Variants in PDE1A observed in about 807,000 individuals in gnomAD.
PDE1A encodes dual specificity calcium/calmodulin-dependent 3',5'-cyclic nucleotide phosphodiesterase 1A.
PDE1A carries 35 observed loss-of-function variants against 61.7 expected under a neutral mutation model. The ratio of observed to expected loss-of-function variants is 0.57; its 90% CI spans 0.43 to 0.75. The LOEUF (loss-of-function observed/expected upper bound fraction) is 0.75, where lower values mean the gene tolerates loss of function less well. Among genes scored for constraint, PDE1A ranks in the 30% least tolerant of loss-of-function variants. The probability of loss-of-function intolerance (pLI) is 0.00; values close to 1 mark genes in which losing one functional copy is unlikely to be tolerated. For missense variants in PDE1A, 597 were observed against 630.6 expected, an observed-to-expected ratio of 0.95 and a Z score of 0.57; for synonymous variants, 232 against 213.2, an observed-to-expected ratio of 1.09 and a Z score of -0.77.
chr2:182,208,766 A>G (rs1048156924), intron 7 of PDE1A, among the ~76,000 whole-genome samples: 10 of 152,334 alleles, frequency 6.6e-5, no homozygotes, highest in South Asian at 6.2e-4. Context: ...GGGGTCTTTA[A>G]GATTAAATAA....
chr2:182,440,213 C>T (rs1349851966), intron 2 of PDE1A, among the ~76,000 whole-genome samples: 3 of 152,002 alleles, frequency 2.0e-5, no homozygotes, highest in East Asian at 1.9e-4. Flanking sequence ...TCTAGGGTCA[C>T]TAGTCTACAT....
intron 2 of PDE1A, among the ~76,000 whole-genome samples, chr2:182,485,130 A>G (rs2099184): frequency 0.27 from 40,498 of 151,942 alleles, 5,610 homozygotes; most frequent in Middle Eastern, 0.42. Flanking sequence ...GCCTATCAGT[A>G]ACAGATTGGA....
At chr2:182,489,917 G>A (rs13400207) in intron 2 of PDE1A, among the ~76,000 whole-genome samples, 62,411 of 151,970 alleles carry the variant, frequency 0.41, 13,309 homozygotes, top group African/African-American at 0.51. Context: ...GTTATCACAC[G>A]GGGCAGTAGC....
chr2:182,673,989 CATAT>C, the PDE1A span, among the ~76,000 whole-genome samples: 860 of 135,190 alleles, frequency 6.4e-3, 2 homozygotes, highest in Non-Finnish European at 7.9e-3. Flanking sequence ...AATATAACTT[CATAT>C]ATATATATAT....
chr2:182,463,715 T>A (rs1686462756), intron 2 of PDE1A: 1 of 152,208 alleles, frequency 6.6e-6, no homozygotes, highest in Non-Finnish European at 1.5e-5. Context: ...GTTTTGTTAA[T>A]ATTGATTAAC....
the PDE1A span, among the ~76,000 whole-genome samples, chr2:182,551,923 A>G: frequency 6.6e-6 from 1 of 152,134 alleles, no homozygotes; most frequent in Non-Finnish European, 1.5e-5. Context: ...GTTTATGCCA[A>G]ACACAGTGTC....
At chr2:182,606,977 C>A in the PDE1A span, among the ~76,000 whole-genome samples, 5 of 152,018 alleles carry the variant, frequency 3.3e-5, no homozygotes, top group Non-Finnish European at 5.9e-5. Flanking sequence ...AGATGGGAGA[C>A]CAGTCTCAAA....
chr2:182,159,751 T>C (rs1691278065), intron 13 of PDE1A, among the ~76,000 whole-genome samples: 1 of 152,090 alleles, frequency 6.6e-6, no homozygotes, highest in Non-Finnish European at 1.5e-5. Flanking sequence ...GTCCAGGAGT[T>C]CAAGACCAGC....
intron 6 of PDE1A, among the ~76,000 whole-genome samples, 198 bp from the exon 7 acceptor site, chr2:182,224,162 A>G (rs763680530): frequency 1.3e-5 from 2 of 151,948 alleles, no homozygotes; most frequent in East Asian, 1.9e-4. Context: ...TTCATGGCAT[A>G]TAAGTTCAAA....
chr2:182,546,112 G>A, the PDE1A span, among the ~76,000 whole-genome samples: 1 of 152,148 alleles, frequency 6.6e-6, no homozygotes, highest in Non-Finnish European at 1.5e-5. Flanking sequence ...GTCTCCCCTT[G>A]TTACTGAAGC....
At chr2:182,698,799 A>G in the PDE1A span, among the ~76,000 whole-genome samples, 1 of 152,224 alleles carries the variant, frequency 6.6e-6, no homozygotes, top group East Asian at 1.9e-4. Context: ...AACATAGTCT[A>G]TCACCAAGGC....
chr2:182,634,455 C>T, the PDE1A span, among the ~76,000 whole-genome samples: 1 of 152,116 alleles, frequency 6.6e-6, no homozygotes, highest in Non-Finnish European at 1.5e-5. Context: ...ACTCCAGGAA[C>T]AAGGCAGACT....
intron 1 of PDE1A, among the ~76,000 whole-genome samples, chr2:182,286,296 C>T (rs1218023795): frequency 6.6e-6 from 1 of 152,110 alleles, no homozygotes; most frequent in East Asian, 1.9e-4. Context: ...CTTAGGGGTC[C>T]TCCCTACCTT....
chr2:182,643,036 A>G, the PDE1A span, among the ~76,000 whole-genome samples: 5,770 of 152,258 alleles, frequency 0.038, 149 homozygotes, highest in Middle Eastern at 0.061. Context: ...TATCTCAGCC[A>G]CATCCTCCTC....
At chr2:182,207,617 C>A (rs534803312) in intron 7 of PDE1A, among the ~76,000 whole-genome samples, 2 of 152,286 alleles carry the variant, frequency 1.3e-5, no homozygotes, top group Non-Finnish European at 2.9e-5. Flanking sequence ...AAAAGAAAAA[C>A]CCATTTTCTG....
chr2:182,167,405 G>T (rs946589685), downstream of PDE1A, among the ~76,000 whole-genome samples: 1 of 152,106 alleles, frequency 6.6e-6, no homozygotes, highest in Non-Finnish European at 1.5e-5. Context: ...TTCTTTAAAA[G>T]AAAGAGCCAA....
intron 2 of PDE1A, among the ~76,000 whole-genome samples, chr2:182,519,768 T>C (rs1249053290): frequency 6.6e-6 from 1 of 151,922 alleles, no homozygotes; most frequent in African/African-American, 2.4e-5. Context: ...TATCTACCTG[T>C]AATGGTTCAT....
chr2:182,560,996 T>C, the PDE1A span, among the ~76,000 whole-genome samples: 2 of 149,674 alleles, frequency 1.3e-5, no homozygotes, highest in Non-Finnish European at 3.0e-5. Context: ...TTTTCTCCCA[T>C]TTTGTAGGTT....
chr2:182,547,284 C>A, the PDE1A span, among the ~76,000 whole-genome samples: 1 of 152,100 alleles, frequency 6.6e-6, no homozygotes, highest in Non-Finnish European at 1.5e-5. Context: ...ATCTAGCACC[C>A]TTTTGCTGTC....
Sources: allele counts gnomAD v4.1 joint callset (sites outside exome capture counted in the v4.1 genomes callset), GRCh38; gene constraint gnomAD v4.1.1; transcripts MANE v1.5; gene names NCBI Gene and HGNC (gene_info 2026-07-23, HGNC 2026-07-21).